The following CHTF18 variants were observed in gnomAD, a reference collection of about 807,000 sequenced individuals.
CHTF18 encodes chromosome transmission fidelity protein 18 homolog.
A neutral mutation model predicts 113.4 loss-of-function variants in CHTF18; 151 were observed. The ratio of observed to expected loss-of-function variants is 1.33; its 90% CI spans 1.17 to 1.52. CHTF18 has a LOEUF of 1.52. CHTF18 is among the 40% of genes most tolerant of loss of function. The pLI is 0.00. For synonymous variants in CHTF18, 916 were observed against 598.8 expected (o/e 1.53, Z -7.74); for missense variants, 1,982 against 1,381.6 (o/e 1.43, Z -6.89).
intron 20 of CHTF18, among the ~76,000 whole-genome samples, 168 bp from the exon 21 acceptor site, chr16:797,526 C>T (rs1290331601): frequency 1.3e-5 from 2 of 152,090 alleles, no homozygotes; most frequent in Non-Finnish European, 2.9e-5. Flanking sequence ...TGGTGGGGAG[C>T]AGATGGCAGT....
intron 14 of CHTF18, 152 bp from the exon 15 acceptor site, chr16:793,902 G>A: frequency 3.6e-6 from 3 of 829,824 alleles, no homozygotes; most frequent in Admixed American, 2.5e-5. Flanking sequence ...CGTGTCTTTG[G>A]CTGTCTCCAC....
At chr16:797,596 G>GC in intron 20 of CHTF18, 98 bp from the exon 21 acceptor site, 1 of 1,351,342 alleles carries the variant, frequency 7.4e-7, no homozygotes, top group Non-Finnish European at 1.0e-6. Flanking sequence ...AGGTGTTCTG[G>GC]TCCCTCCTCC....
Position 788,736 on chromosome 16 carries a change from C to T in CHTF18, c.52C>T (p.Gln18Ter), listed in dbSNP as rs1459555135. The T allele has an allele frequency of 1.2e-6, 2 of 1,603,094 alleles. No homozygotes were observed. Among genetic ancestry groups the T allele is most frequent in the South Asian group, 1.1e-5 (1 of 89,638 alleles). ...LCGVEDDFHN[Q>*]FAAELEVLAE... ...CGGCGTCGAGGATGATTTCCACAAC[C>T]AGTTCGCGGCCGAGCTGGAGGTGCT... Residue 18 changes from glutamine to a stop codon, truncating the protein, a stop_gained, in exon 1 of 22, where the codon CAG (glutamine) becomes TAG (stop). Transcript: ENST00000262315. LOFTEE classifies it high-confidence loss of function.
intron 15 of CHTF18, among the ~76,000 whole-genome samples, chr16:794,525 C>T (rs2042285645): frequency 6.6e-6 from 1 of 152,144 alleles, no homozygotes; most frequent in Non-Finnish European, 1.5e-5. Context: ...CTGCGAGGGG[C>T]TGGATTCTGG....
Position 790,574 on chromosome 16 carries a change from G to A in CHTF18, c.802G>A (p.Glu268Lys), listed in dbSNP as rs1350320305. Residue 268 changes from glutamate (E) to lysine (K), a missense_variant, in exon 7 of 22, where the codon GAG becomes AAG. Glu to Lys is a moderately conservative substitution (Grantham distance 56). Coordinates refer to ENST00000262315, the MANE Select transcript of CHTF18 (RefSeq NM_022092.3). ...EAAQPLGAPE[E>K]EPTDGQDASS... is the part of the protein sequence containing the mutation. The stretch of plus-strand genomic sequence containing the variant: ...AGCCCAGCCCTTGGGGGCCCCTGAG[G>A]AGGAGCCGACTGACGGTCAAGACGC... 6.3e-7 allele frequency: 1 copy of A among 1,597,074 alleles called. No homozygotes were observed. The highest frequency in any genetic ancestry group is 2.3e-5 in the East Asian group (1 of 44,150).
In CHTF18 at chr16:790,234, T is replaced by C; in HGVS notation, c.664T>C (p.Ser222Pro). Residue 222 changes from serine to proline, a missense_variant, in exon 5 of 22, where the codon TCC (serine) becomes CCC (proline). Coordinates refer to ENST00000262315, the MANE Select transcript of CHTF18 (RefSeq NM_022092.3). Reference sequence around the variant, plus strand: ...TGGCCAGCTGGACCTGCTGGGTGTGTCCTTAGCCTCCCTGAAGAAGCAGGT... The same window carrying C: ...TGGCCAGCTGGACCTGCTGGGTGTGCCCTTAGCCTCCCTGAAGAAGCAGGT... The part of the protein sequence containing the change: ...GGGQLDLLGV[S>P]LASLKKQVDG... The C allele has an allele frequency of 6.2e-7, 1 of 1,606,598 alleles. No homozygotes were observed. The highest frequency in any genetic ancestry group is 8.5e-7 in the Non-Finnish European group (1 of 1,177,440).
At position 792,588 on chromosome 16, in the gene CHTF18, C is replaced by G. The variant is rs1161752333; in HGVS notation, c.1476C>G (p.Asp492Glu). 8.1e-6 allele frequency: 13 copies of G among 1,595,508 alleles called. No homozygotes were observed. The highest frequency in any genetic ancestry group is 1.1e-5 in the Non-Finnish European group (13 of 1,174,326). Residue 492 changes from aspartate to glutamate, a missense_variant and splice_region_variant, in exon 11 of 22, where the codon GAC becomes GAG. Transcript: ENST00000262315. ...LMRPIICICN[D>E]QFAPSLRQLK... ...GGCCCATTATCTGCATTTGCAATGA[C>G]CAGTGAGTGCATGGGCGGGCGCCAC...
chr16:791,290 G>A lies in CHTF18; in HGVS notation c.1024G>A (p.Gly342Ser), dbSNP rs759144007. The change falls in exon 8 of 22, where the codon GGC becomes AGC. Residue 342 changes from glycine (G) to serine (S), a missense_variant. Gly to Ser is a moderately conservative substitution (Grantham distance 56, BLOSUM62 0). Transcript: ENST00000262315. ...ARVSKEATAP[G>S]KWKSHEQVLE... ...GGTCAGCAAGGAGGCCACAGCCCCA[G>A]GCAAGTGGAAGAGCCACGAACAGGT... The A allele has an allele frequency of 2.5e-6, 4 of 1,610,830 alleles. No homozygotes were observed. Among genetic ancestry groups the A allele is most frequent in the Admixed American group, 1.7e-5 (1 of 59,916 alleles).
intron 8 of CHTF18, 198 bp from the exon 9 acceptor site, chr16:791,653 G>T (rs904062847): frequency 7.0e-7 from 1 of 1,428,858 alleles, no homozygotes; most frequent in Admixed American, 3.0e-5. Flanking sequence ...TTGTCTGCAC[G>T]AACTTTGCTT....
Position 796,703 on chromosome 16 carries a change from C to G in CHTF18, c.2457-14C>G, listed in dbSNP as rs1567405966. 1.9e-6 allele frequency: 3 copies of G among 1,592,330 alleles called. No individual in the cohort carries two copies. The highest frequency in any genetic ancestry group is 1.7e-5 in the Admixed American group (1 of 59,080). On this transcript the variant is annotated splice_polypyrimidine_tract_variant and intron_variant, in intron 18 of 21. Coordinates refer to ENST00000262315, the MANE Select transcript of CHTF18 (RefSeq NM_022092.3). ...CCCCGCTGACCTGCCCTGGTGTCCC[C>G]CTGTGCTGAGCAGGAACGTGGAGGA...
In CHTF18 at chr16:789,196, T is replaced by TGAC. The variant is rs1366286758; in HGVS notation, c.287-13_287-12insACG. On this transcript the variant is annotated splice_polypyrimidine_tract_variant and intron_variant, in intron 2 of 21. Transcript: ENST00000262315. The stretch of plus-strand genomic sequence containing the variant: ...CTGAGGAGGCCTCTGGTTCCCTGCA[T>TGAC]GTGTCTCCCCCAGCCCCCAGGATCA... 1 of 1,550,538 alleles carries TGAC rather than the reference T, an allele frequency of 6.4e-7. No individual in the cohort carries two copies. The highest frequency in any genetic ancestry group is 2.4e-5 in the East Asian group (1 of 40,918).
intron 7 of CHTF18, 146 bp downstream of exon 7, chr16:790,812 G>A: frequency 2.1e-6 from 3 of 1,435,302 alleles, no homozygotes; most frequent in African/African-American, 1.4e-5. Flanking sequence ...TGTAGGTGGT[G>A]AACTGAGCAC....
chr16:791,527 T>A, intron 8 of CHTF18, 157 bp downstream of exon 8: 2 of 1,436,086 alleles, frequency 1.4e-6, no homozygotes, highest in Non-Finnish European at 1.8e-6. Flanking sequence ...ACTGGAGCGT[T>A]GCAGTAACAA....
At position 796,942 on chromosome 16, in the gene CHTF18, C is replaced by T. The variant is rs764224160; in HGVS notation, c.2602-19C>T. 3.9e-6 allele frequency: 6 copies of T among 1,529,890 alleles called. No individual in the cohort carries two copies. Among genetic ancestry groups the T allele is most frequent in the Admixed American group, 2.0e-5 (1 of 50,968 alleles). The allele number at this position is 1,529,890 out of a possible 1,614,324, so 94.8% of individuals were successfully genotyped here. On this transcript the variant is annotated intron_variant, in intron 19 of 21. Transcript: ENST00000262315. ...TGTATCCCTGTGTGGCCAGATCTCACAATGCCTGCTCCCTACAGGTGGATG... is the reference window on the plus strand; with the variant it reads ...TGTATCCCTGTGTGGCCAGATCTCATAATGCCTGCTCCCTACAGGTGGATG...
chr16:797,146 T>A, intron 20 of CHTF18, 54 bp downstream of exon 20: 1 of 1,451,182 alleles, frequency 6.9e-7, no homozygotes, highest in Non-Finnish European at 9.0e-7. Context: ...TTTGGGGGTG[T>A]GGCTAGGGCA....
At chr16:796,927 T>C in intron 19 of CHTF18, 34 bp from the exon 20 acceptor site, 3 of 1,534,268 alleles carry the variant, frequency 2.0e-6, no homozygotes, top group Non-Finnish European at 2.6e-6. Context: ...TGTATCCCTG[T>C]GTGGCCAGAT....
Position 791,889 on chromosome 16 carries a change from C to T in CHTF18, c.1143C>T (p.Thr381=), listed in dbSNP as rs1312362703. 5.6e-6 allele frequency: 9 copies of T among 1,609,298 alleles called. 1 individual carries two copies. The highest frequency in any genetic ancestry group is 5.3e-5 in the African/African-American group (4 of 74,880). ...LLCGPPGLGK[T]TLAHVIARHA... is the part of the protein sequence containing the mutation. ...GTGGGCCCCCGGGGCTGGGGAAGAC[C>T]ACCCTGGCACACGTGATTGCGCGTC... Residue 381 remains threonine (T), a synonymous_variant, in exon 9 of 22, where the codon ACC becomes ACT. Coordinates refer to ENST00000262315, the MANE Select transcript of CHTF18 (RefSeq NM_022092.3).
chr16:794,437 G>C (rs902860885), intron 15 of CHTF18, among the ~76,000 whole-genome samples: 2 of 152,120 alleles, frequency 1.3e-5, no homozygotes, highest in Non-Finnish European at 2.9e-5. Flanking sequence ...GCCGTCTGAC[G>C]GGGGAGGTCG....
Position 791,872 on chromosome 16 carries a change from C to G in CHTF18, c.1126C>G (p.Pro376Ala). Residue 376 changes from proline to alanine, a missense_variant, in exon 9 of 22, where the codon CCG becomes GCG. Pro to Ala is a conservative substitution (Grantham distance 27). Transcript: ENST00000262315. ...KQKVALLCGP[P>A]GLGKTTLAHV... ...GCAGGTGGCACTGCTCTGTGGGCCC[C>G]CGGGGCTGGGGAAGACCACCCTGGC... The G allele has an allele frequency of 1.2e-6, 2 of 1,607,752 alleles. No individual in the cohort carries two copies. Among genetic ancestry groups the G allele is most frequent in the Non-Finnish European group, 1.7e-6 (2 of 1,177,956 alleles).
Sources: gnomAD v4.1 joint callset for allele counts (sites outside exome capture counted in the v4.1 genomes callset) on GRCh38, gnomAD v4.1.1 for gene constraint, MANE v1.5 for transcripts, NCBI Gene and HGNC (gene_info 2026-07-23, HGNC 2026-07-21) for gene names.